Variants in PLEKHG1 observed in about 807,000 individuals in gnomAD.
The protein encoded by PLEKHG1 is pleckstrin homology and RhoGEF domain containing G1.
A neutral mutation model predicts 100.8 loss-of-function variants in PLEKHG1; 44 were observed. The observed-to-expected ratio is 0.44, with a 90% CI of 0.34 to 0.56. The LOEUF (loss-of-function observed/expected upper bound fraction) is 0.56, where lower values mean the gene tolerates loss of function less well. Among genes scored for constraint, PLEKHG1 ranks in the 20% least tolerant of loss-of-function variants. PLEKHG1 has a pLI of 0.01. For missense variants in PLEKHG1, 1,545 were observed against 1,720.9 expected, an observed-to-expected ratio of 0.90 and a Z score of 1.81; for synonymous variants, 640 against 662.5, an observed-to-expected ratio of 0.97 and a Z score of 0.52.
At chr6:150,766,920 T>C (rs6909494) in intron 2 of PLEKHG1, among the ~76,000 whole-genome samples, 54,779 of 151,494 alleles carry the variant, frequency 0.36, 12,133 homozygotes, top group African/African-American at 0.61. Context: ...CCTCCACCCC[T>C]GCCCCGCCCC....
At chr6:150,714,470 G>C (rs1781349466) in intron 3 of PLEKHG1, among the ~76,000 whole-genome samples, 1 of 152,168 alleles carries the variant, frequency 6.6e-6, no homozygotes, top group Non-Finnish European at 1.5e-5. Context: ...TTCATGTCAT[G>C]GCCGACTGTT....
intron 2 of PLEKHG1, among the ~76,000 whole-genome samples, chr6:150,640,596 T>C (rs112756390): frequency 2.6e-5 from 4 of 152,162 alleles, no homozygotes; most frequent in Non-Finnish European, 4.4e-5. Flanking sequence ...CGCAAAACCC[T>C]GCTTGGAATA....
exon 16 of PLEKHG1, chr6:150,840,355 A>AGCT (rs1777460665): frequency 6.2e-7 from 1 of 1,614,106 alleles, no homozygotes; most frequent in African/African-American, 1.3e-5. Context: ...GGAAAGCAGC[A>AGCT]GCTGCTGTCT....
intron 7 of PLEKHG1, among the ~76,000 whole-genome samples, chr6:150,807,542 T>C (rs939054358): frequency 1.3e-5 from 2 of 152,242 alleles, no homozygotes; most frequent in African/African-American, 4.8e-5. Flanking sequence ...TTCAAAACAC[T>C]GATATTCATA....
chr6:150,611,222 G>A (rs937213885), intron 1 of PLEKHG1, among the ~76,000 whole-genome samples: 1 of 152,198 alleles, frequency 6.6e-6, no homozygotes, highest in Non-Finnish European at 1.5e-5. Flanking sequence ...TGCTAATTGT[G>A]TGGGTTCTGA....
At chr6:150,749,551 C>T (rs948369866) in intron 2 of PLEKHG1, among the ~76,000 whole-genome samples, 2 of 152,112 alleles carry the variant, frequency 1.3e-5, no homozygotes, top group Non-Finnish European at 2.9e-5. Flanking sequence ...CACCCGCTAT[C>T]CTGTAAGACC....
intron 2 of PLEKHG1, among the ~76,000 whole-genome samples, chr6:150,740,545 A>T (rs1782803088): frequency 6.6e-6 from 1 of 152,238 alleles, no homozygotes; most frequent in Non-Finnish European, 1.5e-5. Context: ...GACACTTCTT[A>T]CAAGGTTCAC....
At chr6:150,806,088 GGGAAAAAAGATACCTTAT>G (rs1226344465) in intron 7 of PLEKHG1, among the ~76,000 whole-genome samples, 1 of 151,968 alleles carries the variant, frequency 6.6e-6, no homozygotes, top group Non-Finnish European at 1.5e-5. Flanking sequence ...TGCCTAACTC[GGGAAAAAAGATACCTTAT>G]TTGGCTCATA....
At chr6:150,603,678 A>G (rs1170110680) in intron 1 of PLEKHG1, among the ~76,000 whole-genome samples, 1 of 152,194 alleles carries the variant, frequency 6.6e-6, no homozygotes, top group Non-Finnish European at 1.5e-5. Context: ...AAGGTTAAAA[A>G]AAACAAAAAA....
At position 150,724,558 on chromosome 6, in the gene PLEKHG1, C is replaced by CTTTTTTTTTTT. The variant is rs34140367; in HGVS notation, c.-99+3367_-99+3377dup. 1.4e-3 allele frequency among the ~76,000 whole-genome samples: 137 copies of CTTTTTTTTTTT among 100,422 alleles called. 1 individual carries two copies. The highest frequency in any genetic ancestry group is 4.9e-3 in the African/African-American group (126 of 25,864). 65.9% of individuals were successfully genotyped at this position (100,422 alleles called of 152,430 possible). A position where few individuals can be genotyped will look rare whatever the true frequency, so the allele number is the denominator to read the frequency against. ...TTTCTTTCTTTTCTTTTTTCTTTTT[C>CTTTTTTTTTTT]TTTTTTTTTTTTTTTTTTTGAGATG... On this transcript the variant is annotated intron_variant, in intron 1 of 15. Coordinates refer to ENST00000358517, the Ensembl canonical transcript of PLEKHG1.
At chr6:150,707,979 G>C (rs897585372) in intron 3 of PLEKHG1, among the ~76,000 whole-genome samples, 1 of 152,048 alleles carries the variant, frequency 6.6e-6, no homozygotes, top group Non-Finnish European at 1.5e-5. Context: ...AGGGACCCCT[G>C]CCCCGGATAT....
intron 3 of PLEKHG1, among the ~76,000 whole-genome samples, chr6:150,659,032 A>C (rs1326750512): frequency 2.0e-5 from 3 of 152,192 alleles, no homozygotes; most frequent in Admixed American, 6.5e-5. Flanking sequence ...ACAGTTTGAG[A>C]TCTAAATACC....
At chr6:150,626,187 G>A (rs1243067404) in intron 1 of PLEKHG1, 4 of 152,146 alleles carry the variant, frequency 2.6e-5, no homozygotes, top group Admixed American at 2.6e-4. Flanking sequence ...AAATGCATAA[G>A]ATCTCCTGAG....
At chr6:150,800,620 C>T in intron 5 of PLEKHG1, 99 bp from the exon 7 acceptor site, 1 of 1,097,412 alleles carries the variant, frequency 9.1e-7, no homozygotes, top group Non-Finnish European at 1.3e-6. Flanking sequence ...TGGAGCTACC[C>T]TACTCATTTT....
rs200024899 is a variant in PLEKHG1 at position 150,688,495 on chromosome 6, A to AT, written c.-99+37715dup. Among the ~76,000 whole-genome samples, 633 of 151,822 alleles carry AT rather than the reference A, an allele frequency of 4.2e-3. 11 individuals are homozygous for AT. The East Asian group carries it at 0.042, about 10-fold the overall frequency. ...TCCACCATGCTTGGCTAATTTTTGT[A>AT]TTTTTTAGTAGAAACAGGGCTTCAC... On this transcript the variant is annotated intron_variant, in intron 3 of 3. Transcript: ENST00000367326.
chr6:150,684,784 A>G (rs1226355105), intron 3 of PLEKHG1, among the ~76,000 whole-genome samples: 1 of 151,824 alleles, frequency 6.6e-6, no homozygotes, highest in African/African-American at 2.4e-5. Context: ...GTATCTTACA[A>G]TAAGACAGGT....
rs995287393 is a variant in PLEKHG1 at position 150,776,530 on chromosome 6, T to G, written c.512+7792T>G. Among the ~76,000 whole-genome samples the G allele has an allele frequency of 4.4e-5, 6 of 135,010 alleles. 1 individual carries two copies. The East Asian group carries it at 1.5e-3, about 34-fold the overall frequency. 88.6% of individuals were successfully genotyped at this position (135,010 alleles called of 152,430 possible). A position where few individuals can be genotyped will look rare whatever the true frequency, so the allele number is the denominator to read the frequency against. ...CACACTGATGCAATCCTGGTGCACA[T>G]GTGTGGTTGCACATTACTCACACTG... On this transcript the variant is annotated intron_variant, in intron 3 of 15. Transcript: ENST00000358517.
chr6:150,624,066 A>G (rs148253738), intron 1 of PLEKHG1, among the ~76,000 whole-genome samples: 1 of 152,318 alleles, frequency 6.6e-6, no homozygotes, highest in Non-Finnish European at 1.5e-5. Context: ...GAAAAGGATC[A>G]TCTATGTTAG....
At chr6:150,840,359 G>T (rs1435438570) in exon 16 of PLEKHG1, 2 of 1,614,054 alleles carry the variant, frequency 1.2e-6, no homozygotes, top group Non-Finnish European at 1.7e-6. Flanking sequence ...AGCAGCAGCT[G>T]CTGTCTTTAC....
Sources: gnomAD v4.1 joint callset for allele counts (sites outside exome capture counted in the v4.1 genomes callset) on GRCh38, gnomAD v4.1.1 for gene constraint, MANE v1.5 for transcripts, NCBI Gene and HGNC (gene_info 2026-07-23, HGNC 2026-07-21) for gene names.